EDIL3: variants seen among roughly 807,000 people sequenced by gnomAD.
The protein encoded by EDIL3 is EGF-like repeat and discoidin I-like domain-containing protein 3.
Under a neutral mutation model 67.4 loss-of-function variants are expected in EDIL3, and 37 were observed. The ratio of observed to expected loss-of-function variants is 0.55; its 90% CI spans 0.42 to 0.72. The LOEUF (loss-of-function observed/expected upper bound fraction) is 0.72. Ranked by LOEUF, EDIL3 falls within the 30% of genes least tolerant of loss-of-function variation. EDIL3 has a pLI of 0.00. For synonymous variants in EDIL3, 195 were observed against 196.3 expected (o/e 0.99, Z 0.05); for missense variants, 527 against 586.3 (o/e 0.90, Z 1.04).
chr5:83,987,448 C>T (rs1169535875), intron 9 of EDIL3, among the ~76,000 whole-genome samples: 1 of 152,078 alleles, frequency 6.6e-6, no homozygotes, highest in African/African-American at 2.4e-5. Context: ...TTTCTGGTGA[C>T]ATTAGTATGC....
chr5:84,089,048 A>G (rs540693128), intron 6 of EDIL3, among the ~76,000 whole-genome samples: 1 of 152,326 alleles, frequency 6.6e-6, no homozygotes, highest in South Asian at 2.1e-4. Flanking sequence ...AGTCTCAGAA[A>G]CTGTTTTGAT....
intron 1 of EDIL3, among the ~76,000 whole-genome samples, chr5:84,317,514 G>A (rs913978951): frequency 1.3e-5 from 2 of 152,060 alleles, no homozygotes; most frequent in Admixed American, 6.6e-5. Flanking sequence ...TAAATTCCTC[G>A]ACACATACAC....
intron 1 of EDIL3, among the ~76,000 whole-genome samples, chr5:84,353,274 G>A (rs1351688412): frequency 6.6e-6 from 1 of 152,122 alleles, no homozygotes; most frequent in Admixed American, 6.6e-5. Flanking sequence ...ACCTATTATA[G>A]ACACACTTTT....
intron 1 of EDIL3, among the ~76,000 whole-genome samples, chr5:84,326,007 T>G (rs1746749062): frequency 6.6e-6 from 1 of 152,132 alleles, no homozygotes; most frequent in Admixed American, 6.6e-5. Flanking sequence ...AAGTGGGACC[T>G]TTAAGTGGCT....
intron 1 of EDIL3, among the ~76,000 whole-genome samples, chr5:84,322,877 A>G (rs964017158): frequency 1.1e-4 from 16 of 152,084 alleles, no homozygotes; most frequent in Non-Finnish European, 1.5e-5. Context: ...ATTTCTCATC[A>G]GAAACTATAC....
intron 5 of EDIL3, among the ~76,000 whole-genome samples, chr5:84,127,761 T>C (rs1338967415): frequency 2.0e-5 from 3 of 152,116 alleles, no homozygotes; most frequent in South Asian, 2.1e-4. Context: ...ATAGAACTTC[T>C]TTTGCCTGAT....
chr5:84,268,968 T>C (rs1745407085), intron 1 of EDIL3, among the ~76,000 whole-genome samples: 1 of 152,154 alleles, frequency 6.6e-6, no homozygotes, highest in African/African-American at 2.4e-5. Flanking sequence ...ATTTTCATTT[T>C]AATAAAAAAT....
chr5:84,314,594 C>T (rs1050473965), intron 1 of EDIL3, among the ~76,000 whole-genome samples: 2 of 152,078 alleles, frequency 1.3e-5, no homozygotes, highest in Admixed American at 6.5e-5. Context: ...TTTACCTTTG[C>T]GGGAAAGAAC....
In EDIL3 at chr5:84,198,802, A is replaced by T. The variant is rs562894796; in HGVS notation, c.227-18281T>A. On this transcript the variant is annotated intron_variant, in intron 3 of 10. Transcript: ENST00000296591. The stretch of plus-strand genomic sequence containing the variant: ...ACATTTGGATCTGGCCAGAGCAAGA[A>T]TAGCTGTATGAGAATGGGAATTAGT... Among the ~76,000 whole-genome samples the T allele has an allele frequency of 4.6e-5, 7 of 152,230 alleles. No individual in the cohort carries two copies. The South Asian group carries it at 1.2e-3, about 27-fold the overall frequency.
At chr5:84,327,490 T>C (rs1410603373) in intron 1 of EDIL3, among the ~76,000 whole-genome samples, 2 of 152,048 alleles carry the variant, frequency 1.3e-5, no homozygotes, top group Non-Finnish European at 2.9e-5. Context: ...AATCTGTATA[T>C]AGTGATTTTA....
intron 10 of EDIL3, among the ~76,000 whole-genome samples, chr5:83,955,629 T>A (rs989105940): frequency 6.6e-6 from 1 of 151,746 alleles, no homozygotes. Context: ...ATAGCATCTG[T>A]ACTAGGTGGT....
intron 6 of EDIL3, among the ~76,000 whole-genome samples, chr5:84,097,633 G>T (rs1345455745): frequency 1.3e-5 from 2 of 152,042 alleles, no homozygotes; most frequent in Admixed American, 1.3e-4. Context: ...CCTAGTAGTG[G>T]ATAGAGTGTA....
Position 83,943,387 on chromosome 5 carries a change from T to C in EDIL3, c.*32A>G, listed in dbSNP as rs778106654. ...TTCCATGGAGATACTTTTAGGGAAA[T>C]AGGGAAGAGGGTTGTGAAATGTAGC... On this transcript the variant is annotated 3_prime_UTR_variant, in exon 11 of 11. Coordinates refer to ENST00000296591, the MANE Select transcript of EDIL3 (RefSeq NM_005711.5). The C allele has an allele frequency of 6.2e-6, 10 of 1,609,678 alleles. No individual in the cohort carries two copies. Among genetic ancestry groups the C allele is most frequent in the Admixed American group, 1.7e-5 (1 of 59,678 alleles).
chr5:84,302,941 G>A (rs1480770072), intron 1 of EDIL3, among the ~76,000 whole-genome samples: 2 of 150,930 alleles, frequency 1.3e-5, no homozygotes, highest in East Asian at 1.9e-4. Flanking sequence ...TTACAATTTA[G>A]TTCAGAAGTT....
intron 6 of EDIL3, among the ~76,000 whole-genome samples, chr5:84,090,873 G>C (rs968839716): frequency 6.6e-6 from 1 of 151,786 alleles, no homozygotes; most frequent in African/African-American, 2.4e-5. Flanking sequence ...GCTTGAACCC[G>C]GGAGGCGGAG....
rs894334151 is a variant in EDIL3, at chr5:83,942,142, T to C, written c.*1277A>G. The C allele has an allele frequency of 6.6e-6, 1 of 152,088 alleles. No homozygotes were observed. The highest frequency in any genetic ancestry group is 1.5e-5 in the Non-Finnish European group (1 of 67,958). The allele number at this position is 152,088 out of a possible 1,614,324, so 9.4% of individuals were successfully genotyped here. Reference sequence around the variant, plus strand: ...AGACTTTTATGGAGGCAGTGTGAGCTTTAATTTGAGAGACATGTCAATGAA... The same window carrying C: ...AGACTTTTATGGAGGCAGTGTGAGCCTTAATTTGAGAGACATGTCAATGAA... On this transcript the variant is annotated 3_prime_UTR_variant, in exon 11 of 11. Coordinates refer to ENST00000296591, the MANE Select transcript of EDIL3 (RefSeq NM_005711.5).
At chr5:83,960,519 A>G (rs542313670) in intron 10 of EDIL3, among the ~76,000 whole-genome samples, 1 of 151,196 alleles carries the variant, frequency 6.6e-6, no homozygotes, top group African/African-American at 2.4e-5. Flanking sequence ...CACAAGTATG[A>G]TACATCAATT....
At chr5:84,024,548 T>A (rs1185166021) in intron 9 of EDIL3, among the ~76,000 whole-genome samples, 3 of 151,926 alleles carry the variant, frequency 2.0e-5, no homozygotes, top group Non-Finnish European at 4.4e-5. Context: ...ACAGTAAGGG[T>A]GACATGGTAT....
chr5:84,292,791 A>G (rs890930943), intron 1 of EDIL3, among the ~76,000 whole-genome samples: 13 of 152,120 alleles, frequency 8.5e-5, no homozygotes, highest in African/African-American at 3.1e-4. Flanking sequence ...CCCAAACCCA[A>G]AGATGGACTT....
Sources: allele counts gnomAD v4.1 joint callset (sites outside exome capture counted in the v4.1 genomes callset), GRCh38; gene constraint gnomAD v4.1.1; transcripts MANE v1.5; gene names NCBI Gene and HGNC (gene_info 2026-07-23, HGNC 2026-07-21).